Variants in ARB2A observed in about 807,000 individuals in gnomAD.
ARB2A encodes the protein ARB2 cotranscriptional regulator A.
the ARB2A span, among the ~76,000 whole-genome samples, chr5:93,986,009 G>C: frequency 6.6e-6 from 1 of 150,930 alleles, no homozygotes; most frequent in Non-Finnish European, 1.5e-5. Flanking sequence ...TATCGTCTGG[G>C]ATGTGGGGAG....
At chr5:93,631,624 C>T in the ARB2A span, among the ~76,000 whole-genome samples, 1 of 152,202 alleles carries the variant, frequency 6.6e-6, no homozygotes, top group Non-Finnish European at 1.5e-5. Context: ...ACACACTTAG[C>T]AAAGAGCTTT....
At chr5:94,096,194 A>G in the ARB2A span, among the ~76,000 whole-genome samples, 1 of 152,208 alleles carries the variant, frequency 6.6e-6, no homozygotes, top group Non-Finnish European at 1.5e-5. Context: ...AAATCAAGAG[A>G]GCATCTAATC....
chr5:93,833,859 G>T, the ARB2A span, among the ~76,000 whole-genome samples: 2 of 152,150 alleles, frequency 1.3e-5, no homozygotes, highest in Non-Finnish European at 2.9e-5. Context: ...TTGAGATTCA[G>T]AGAGTACATG....
the ARB2A span, chr5:93,620,432 C>T: frequency 5.4e-5 from 8 of 146,832 alleles, no homozygotes; most frequent in Non-Finnish European, 1.2e-4. Flanking sequence ...CATTCAGGTT[C>T]TGAATTTGAA....
chr5:93,814,614 T>C, the ARB2A span, among the ~76,000 whole-genome samples: 1 of 152,216 alleles, frequency 6.6e-6, no homozygotes, highest in Non-Finnish European at 1.5e-5. Flanking sequence ...TTCGCTATTA[T>C]CCCACTTCAC....
At chr5:93,640,653 C>G in the ARB2A span, among the ~76,000 whole-genome samples, 9 of 147,046 alleles carry the variant, frequency 6.1e-5, no homozygotes, top group Non-Finnish European at 1.2e-4. Flanking sequence ...TATACATATA[C>G]ATATATATAC....
At chr5:94,090,769 T>A in the ARB2A span, among the ~76,000 whole-genome samples, 2 of 152,216 alleles carry the variant, frequency 1.3e-5, no homozygotes, top group African/African-American at 4.8e-5. Context: ...CTTTTCTGCA[T>A]CTATTGAGAT....
the ARB2A span, among the ~76,000 whole-genome samples, chr5:93,874,790 A>T: frequency 3.8e-4 from 58 of 152,264 alleles, no homozygotes; most frequent in African/African-American, 1.3e-3. Flanking sequence ...GAATTGAACT[A>T]CTGGACACCC....
chr5:93,736,739 G>A, the ARB2A span: 1 of 152,004 alleles, frequency 6.6e-6, no homozygotes, highest in Non-Finnish European at 1.5e-5. Context: ...TTATTCCAGA[G>A]AAACTGTCAA....
the ARB2A span, among the ~76,000 whole-genome samples, chr5:93,705,912 C>G: frequency 9.9e-5 from 15 of 151,990 alleles, no homozygotes; most frequent in Admixed American, 2.0e-4. Flanking sequence ...AAGTTCTTAA[C>G]GTATAATGCC....
the ARB2A span, among the ~76,000 whole-genome samples, chr5:93,641,819 C>T: frequency 6.6e-6 from 1 of 151,952 alleles, no homozygotes; most frequent in Non-Finnish European, 1.5e-5. Context: ...TTTATTCATA[C>T]CCTCTATTGA....
the ARB2A span, among the ~76,000 whole-genome samples, chr5:93,712,227 A>C: frequency 2.0e-5 from 3 of 152,190 alleles, no homozygotes; most frequent in Admixed American, 6.5e-5. Context: ...GCTGACCTAA[A>C]ATAAAATTAA....
At chr5:94,061,910 GT>G in the ARB2A span, among the ~76,000 whole-genome samples, 2 of 152,134 alleles carry the variant, frequency 1.3e-5, no homozygotes, top group Non-Finnish European at 1.5e-5. Context: ...TTGCAGTAAA[GT>G]TTTTTGCAGA....
the ARB2A span, among the ~76,000 whole-genome samples, chr5:94,078,477 T>A: frequency 6.6e-6 from 1 of 152,220 alleles, no homozygotes; most frequent in African/African-American, 2.4e-5. Flanking sequence ...GACAGCATTA[T>A]TCTGAGGCTG....
At chr5:93,785,244 A>G in the ARB2A span, among the ~76,000 whole-genome samples, 14 of 152,194 alleles carry the variant, frequency 9.2e-5, no homozygotes, top group African/African-American at 3.1e-4. Context: ...AGAAATGAAA[A>G]AAGGTTTTAA....
At chr5:93,928,280 A>G in the ARB2A span, among the ~76,000 whole-genome samples, 4,397 of 152,272 alleles carry the variant, frequency 0.029, 144 homozygotes, top group East Asian at 0.15. Context: ...AGATTTCATT[A>G]GTTTGATTGA....
the ARB2A span, among the ~76,000 whole-genome samples, chr5:93,834,822 C>A: frequency 6.6e-6 from 1 of 152,038 alleles, no homozygotes. Flanking sequence ...TGACTACAAT[C>A]CAGAGAGTGT....
the ARB2A span, chr5:93,824,290 A>C: frequency 2.6e-6 from 4 of 1,511,540 alleles, no homozygotes; most frequent in Non-Finnish European, 3.6e-6. Context: ...CAAATGTCAT[A>C]TATTACATAT....
the ARB2A span, among the ~76,000 whole-genome samples, chr5:93,814,549 T>C: frequency 6.6e-6 from 1 of 152,222 alleles, no homozygotes; most frequent in Non-Finnish European, 1.5e-5. Context: ...TACTTACCTC[T>C]AAGACAAATT....
Sources: allele counts gnomAD v4.1 joint callset (sites outside exome capture counted in the v4.1 genomes callset), GRCh38; gene constraint gnomAD v4.1.1; transcripts MANE v1.5; gene names NCBI Gene and HGNC (gene_info 2026-07-23, HGNC 2026-07-21).